MED13L: variants seen among roughly 807,000 people sequenced by gnomAD.
MED13L encodes the protein mediator complex subunit 13L.
In MED13L, 7 loss-of-function variants were observed where a neutral mutation model predicts 220.9. The ratio of observed to expected loss-of-function variants is 0.03; its 90% CI spans 0.02 to 0.06. The LOEUF (loss-of-function observed/expected upper bound fraction) is 0.06, where lower values mean the gene tolerates loss of function less well. Ranked by LOEUF, MED13L falls within the 10% of genes least tolerant of loss-of-function variation. The probability of loss-of-function intolerance (pLI) is 1.00; values close to 1 mark genes in which losing one functional copy is unlikely to be tolerated. For synonymous variants in MED13L, 1,011 were observed against 1,015.2 expected, an observed-to-expected ratio of 1.00 and a Z score of 0.08; for missense variants, 1,965 against 2,760.5, an observed-to-expected ratio of 0.71 and a Z score of 6.46.
chr12:116,050,140 T>G (rs1868371541), intron 4 of MED13L, among the ~76,000 whole-genome samples: 1 of 152,172 alleles, frequency 6.6e-6, no homozygotes, highest in Non-Finnish European at 1.5e-5. Flanking sequence ...ACTAGATTGT[T>G]CTAGGGTGCG....
At chr12:116,155,123 G>A (rs558302609) in intron 2 of MED13L, among the ~76,000 whole-genome samples, 8 of 152,206 alleles carry the variant, frequency 5.3e-5, no homozygotes, top group East Asian at 1.9e-4. Flanking sequence ...CACCACCACC[G>A]GCCAAGATAT....
At chr12:116,039,818 A>AGACGACATGACACTCAAGCAGG (rs1434293336) in intron 4 of MED13L, among the ~76,000 whole-genome samples, 2 of 152,100 alleles carry the variant, frequency 1.3e-5, no homozygotes, top group African/African-American at 4.8e-5. Flanking sequence ...ACTCAAGCAG[A>AGACGACATGACACTCAAGCAGG]GACACCATGA....
chr12:116,200,229 C>A (rs980161635), intron 2 of MED13L, among the ~76,000 whole-genome samples: 4 of 151,676 alleles, frequency 2.6e-5, no homozygotes, highest in Non-Finnish European at 5.9e-5. Flanking sequence ...TTTTAATTAT[C>A]GCATTTCCTT....
intron 1 of MED13L, among the ~76,000 whole-genome samples, chr12:116,262,550 C>T (rs1223555904): frequency 6.6e-6 from 1 of 152,164 alleles, no homozygotes; most frequent in Non-Finnish European, 1.5e-5. Context: ...AGATAAACGC[C>T]TACCTTAGTG....
chr12:116,240,466 T>C (rs1378599465), intron 1 of MED13L, among the ~76,000 whole-genome samples: 1 of 151,760 alleles, frequency 6.6e-6, no homozygotes, highest in Non-Finnish European at 1.5e-5. Context: ...CATCAATCTA[T>C]AAACATCAAA....
intron 25 of MED13L, among the ~76,000 whole-genome samples, chr12:115,974,582 G>A (rs1185937842): frequency 6.6e-6 from 1 of 152,150 alleles, no homozygotes; most frequent in East Asian, 1.9e-4. Flanking sequence ...TTAAATTTAT[G>A]ACAAAGAATA....
chr12:116,223,748 T>C (rs1868675174), intron 2 of MED13L, among the ~76,000 whole-genome samples: 1 of 151,884 alleles, frequency 6.6e-6, no homozygotes, highest in Admixed American at 6.6e-5. Flanking sequence ...GAGAAGAAAA[T>C]TATATCACTG....
intron 4 of MED13L, among the ~76,000 whole-genome samples, chr12:116,059,309 C>T (rs183078786): frequency 3.1e-4 from 47 of 152,284 alleles, no homozygotes; most frequent in Admixed American, 2.2e-3. Context: ...ATCCTCCTGC[C>T]TAGGCCTCCC....
chr12:116,115,476 A>G (rs151088299), intron 2 of MED13L, among the ~76,000 whole-genome samples: 336 of 152,272 alleles, frequency 2.2e-3, no homozygotes, highest in African/African-American at 7.7e-3. Context: ...CATGATCCAT[A>G]AAAGAAAAAC....
At position 115,987,305 on chromosome 12, in the gene MED13L, A is replaced by G; in HGVS notation, c.3935-17T>C. 1.2e-6 allele frequency: 2 copies of G among 1,609,758 alleles called. No homozygotes were observed. The highest frequency in any genetic ancestry group is 1.7e-6 in the Non-Finnish European group (2 of 1,178,544). On this transcript the variant is annotated splice_polypyrimidine_tract_variant and intron_variant, in intron 17 of 30. Coordinates refer to ENST00000281928, the MANE Select transcript of MED13L (RefSeq NM_015335.5). ...TGTCCAGCACTGGAAGAGAAGTGAG[A>G]AGAAACAGAGAAGATAAGGGGGCTA...
At chr12:116,276,347 T>C (rs1873823652) in intron 1 of MED13L, 4 of 628,426 alleles carry the variant, frequency 6.4e-6, no homozygotes, top group South Asian at 3.3e-5. Context: ...TGTGTGTGTG[T>C]GTGTGCGGAT....
intron 4 of MED13L, among the ~76,000 whole-genome samples, chr12:116,049,423 A>AT (rs935129973): frequency 1.3e-5 from 2 of 152,184 alleles, no homozygotes; most frequent in African/African-American, 4.8e-5. Context: ...GTATCACATA[A>AT]TTTTTTTAAT....
At chr12:115,982,097 A>G (rs981086206) in intron 22 of MED13L, 38 of 366,448 alleles carry the variant, frequency 1.0e-4, no homozygotes, top group African/African-American at 7.0e-4. Context: ...AAAGCACAAC[A>G]TGACCAAAAA....
chr12:116,031,564 C>A (rs998636565), intron 4 of MED13L, among the ~76,000 whole-genome samples: 2 of 129,476 alleles, frequency 1.5e-5, no homozygotes, highest in South Asian at 5.4e-4. Flanking sequence ...TGCACTCCAG[C>A]CTGGGCAACA....
chr12:116,267,958 A>G (rs1872961161), intron 1 of MED13L, among the ~76,000 whole-genome samples: 1 of 152,248 alleles, frequency 6.6e-6, no homozygotes, highest in South Asian at 2.1e-4. Context: ...CAGTCTAGAT[A>G]AAATATATTC....
Position 115,997,056 on chromosome 12 carries a change from A to G in MED13L, c.2744T>C (p.Met915Thr). 1 of 1,614,078 alleles carries G rather than the reference A, an allele frequency of 6.2e-7. No homozygotes were observed. The highest frequency in any genetic ancestry group is 8.5e-7 in the Non-Finnish European group (1 of 1,179,978). The change falls in exon 15 of 31, where the codon ATG becomes ACG. Residue 915 changes from methionine (M) to threonine (T), a missense_variant. Physicochemically the swap from Met to Thr is moderately conservative, Grantham distance 81. This residue lies in a region of MED13L where 233 missense variants were observed against 306.2 expected (regional missense o/e 0.76). Coordinates refer to ENST00000281928, the MANE Select transcript of MED13L (RefSeq NM_015335.5). Reference protein sequence around the residue: ...MVSTQLTEFKMEVEDGLGSPK... With the variant: ...MVSTQLTEFKTEVEDGLGSPK... ...ACTTCCTAATCCATCTTCCACTTCC[A>G]TTTTGAATTCTGTGAGTTGTGTTGA...
intron 4 of MED13L, among the ~76,000 whole-genome samples, chr12:116,085,750 TCACTCA>T (rs938754696): frequency 8.0e-5 from 8 of 100,144 alleles, no homozygotes; most frequent in African/African-American, 2.6e-4. Flanking sequence ...AAGATTAAAA[TCACTCA>T]CACACACACA....
chr12:116,008,170 T>C (rs951412521), intron 10 of MED13L: 2 of 529,588 alleles, frequency 3.8e-6, no homozygotes, highest in African/African-American at 1.9e-5. Context: ...ATATTTGGAG[T>C]GTACTTAAAT....
chr12:116,276,524 G>A (rs1239640212), intron 1 of MED13L: 3 of 1,281,938 alleles, frequency 2.3e-6, no homozygotes, highest in African/African-American at 1.5e-5. Context: ...CGGGAGCTTC[G>A]GGTGCAAGAG....
Sources: allele counts gnomAD v4.1 joint callset (sites outside exome capture counted in the v4.1 genomes callset), GRCh38; gene constraint gnomAD v4.1.1; regional missense constraint gnomAD v4.1.1; transcripts MANE v1.5; gene names NCBI Gene and HGNC (gene_info 2026-07-23, HGNC 2026-07-21).